The following CALN1 variants were observed in gnomAD, a reference collection of about 807,000 sequenced individuals.
CALN1 encodes calneuron 1, also known as calcium-binding protein 8.
Under a neutral mutation model 30.6 loss-of-function variants are expected in CALN1, and 17 were observed. The ratio of observed to expected loss-of-function variants is 0.56; its 90% confidence interval spans 0.38 to 0.83. The LOEUF is 0.83. Among genes scored for constraint, CALN1 ranks in the 40% least tolerant of loss-of-function variants. The pLI, the probability that CALN1 is intolerant of heterozygous loss-of-function variation, is 0.00. For synonymous variants in CALN1, 156 were observed against 131.4 expected, an observed-to-expected ratio of 1.19 and a Z score of -1.28; for missense variants, 291 against 354.9, an observed-to-expected ratio of 0.82 and a Z score of 1.45.
At chr7:72,454,595 C>A in the CALN1 span, among the ~76,000 whole-genome samples, 1 of 152,076 alleles carries the variant, frequency 6.6e-6, no homozygotes, top group Admixed American at 6.6e-5. Context: ...AAGGCAAAAG[C>A]CCAGAGAACA....
At chr7:72,480,835 A>G in the CALN1 span, among the ~76,000 whole-genome samples, 2 of 152,112 alleles carry the variant, frequency 1.3e-5, no homozygotes, top group Non-Finnish European at 2.9e-5. Flanking sequence ...ATTGTTCATC[A>G]TATTTTTTAT....
upstream of CALN1, among the ~76,000 whole-genome samples, chr7:72,413,260 ACATT>A (rs1293680149): frequency 6.6e-6 from 1 of 151,510 alleles, no homozygotes; most frequent in Non-Finnish European, 1.5e-5. Flanking sequence ...ACACACATAT[ACATT>A]CACACACACA....
intron 4 of CALN1, among the ~76,000 whole-genome samples, chr7:72,065,860 T>C (rs1584869753): frequency 6.6e-6 from 1 of 151,768 alleles, no homozygotes; most frequent in East Asian, 1.9e-4. Context: ...ACCATTGCAC[T>C]CCAGCCTGGG....
intron 4 of CALN1, among the ~76,000 whole-genome samples, chr7:72,035,032 T>A (rs1042510376): frequency 8.5e-5 from 13 of 152,160 alleles, no homozygotes; most frequent in African/African-American, 3.1e-4. Context: ...TAGCAATTTA[T>A]TCATTGGCAC....
chr7:72,275,435 A>C (rs1362152980), intron 3 of CALN1, among the ~76,000 whole-genome samples: 1 of 152,186 alleles, frequency 6.6e-6, no homozygotes, highest in East Asian at 1.9e-4. Context: ...GCCTGCTCTA[A>C]AATCAGAACA....
chr7:72,097,950 G>C (rs977124187), intron 4 of CALN1, among the ~76,000 whole-genome samples: 7 of 152,136 alleles, frequency 4.6e-5, no homozygotes, highest in African/African-American at 1.7e-4. Flanking sequence ...CTGACCTCAA[G>C]TGATCCACCC....
chr7:72,155,780 A>G (rs1787624798), intron 3 of CALN1, among the ~76,000 whole-genome samples: 1 of 152,210 alleles, frequency 6.6e-6, no homozygotes, highest in South Asian at 2.1e-4. Context: ...TCAGAGGTCC[A>G]AAGTGAGTCT....
intron 3 of CALN1, among the ~76,000 whole-genome samples, chr7:72,207,242 C>T (rs1791958239): frequency 1.3e-5 from 2 of 152,228 alleles, no homozygotes; most frequent in Middle Eastern, 3.4e-3. Context: ...GTCTCTTTGT[C>T]GGCGGGAGGG....
At chr7:72,034,506 G>C (rs1053443637) in intron 4 of CALN1, among the ~76,000 whole-genome samples, 17 of 151,266 alleles carry the variant, frequency 1.1e-4, no homozygotes, top group African/African-American at 3.6e-4. Context: ...AAGTCTCCAG[G>C]ATGTGCCCGG....
intron 4 of CALN1, among the ~76,000 whole-genome samples, chr7:72,074,042 G>C (rs1804572559): frequency 1.3e-5 from 2 of 152,070 alleles, no homozygotes; most frequent in African/African-American, 4.8e-5. Context: ...TAGGTGCAAG[G>C]AGTCGGATAA....
chr7:72,219,381 A>C (rs1793094536), intron 3 of CALN1, among the ~76,000 whole-genome samples: 1 of 152,112 alleles, frequency 6.6e-6, no homozygotes, highest in South Asian at 2.1e-4. Context: ...GCATTCCACC[A>C]CAACTGGCTA....
At chr7:71,823,434 C>T (rs1232808490) in intron 5 of CALN1, among the ~76,000 whole-genome samples, 1 of 152,158 alleles carries the variant, frequency 6.6e-6, no homozygotes, top group East Asian at 1.9e-4. Context: ...GAAACAGAGG[C>T]TTGGGCCGGG....
intron 4 of CALN1, among the ~76,000 whole-genome samples, chr7:72,079,953 T>A (rs1433729208): frequency 1.3e-5 from 2 of 151,962 alleles, no homozygotes; most frequent in Non-Finnish European, 2.9e-5. Context: ...GTATTTTTAG[T>A]AGAGATGGGG....
chr7:72,097,259 A>G (rs1291252317), intron 4 of CALN1, among the ~76,000 whole-genome samples: 1 of 152,222 alleles, frequency 6.6e-6, no homozygotes, highest in Non-Finnish European at 1.5e-5. Flanking sequence ...GTACACATAC[A>G]TAACAAACCT....
chr7:71,949,383 G>C lies in CALN1; in HGVS notation c.501+74274C>G, dbSNP rs565240056. 4.6e-5 allele frequency among the ~76,000 whole-genome samples: 7 copies of C among 152,004 alleles called. No homozygotes were observed. The East Asian group carries it at 1.2e-3, about 25-fold the overall frequency. On this transcript the variant is annotated intron_variant, in intron 5 of 6. Coordinates refer to ENST00000395275, the MANE Select transcript of CALN1 (RefSeq NM_031468.4). The stretch of plus-strand genomic sequence containing the variant: ...AGTAACCAATGGAAACCTCGAGAGG[G>C]TTTTTTGTTTGTTTGTTTGAGATGG...
At chr7:72,416,994 C>CTTCA (rs1376198044), upstream of CALN1, among the ~76,000 whole-genome samples, 1 of 152,166 alleles carries the variant, frequency 6.6e-6, no homozygotes, top group Admixed American at 6.5e-5. Flanking sequence ...CCAAGGCATG[C>CTTCA]TTCAGGTCTC....
intron 2 of CALN1, among the ~76,000 whole-genome samples, chr7:72,395,351 A>ACG (rs67070205): frequency 6.5e-4 from 53 of 80,922 alleles, no homozygotes; most frequent in Middle Eastern, 5.6e-3. Context: ...CACGCTGCGC[A>ACG]CGCGCGCGCA....
chr7:72,162,142 T>C (rs1457573157), intron 3 of CALN1, among the ~76,000 whole-genome samples: 1 of 151,950 alleles, frequency 6.6e-6, no homozygotes, highest in South Asian at 2.1e-4. Context: ...ATTACATCTT[T>C]GCTACTAGAG....
intron 2 of CALN1, among the ~76,000 whole-genome samples, chr7:72,356,901 G>A (rs1447050247): frequency 3.9e-5 from 6 of 151,978 alleles, no homozygotes; most frequent in Non-Finnish European, 5.9e-5. Flanking sequence ...CAATATATTA[G>A]TGCTTGTCAA....
Sources: gnomAD v4.1 joint callset for allele counts (sites outside exome capture counted in the v4.1 genomes callset) on GRCh38, gnomAD v4.1.1 for gene constraint, MANE v1.5 for transcripts, NCBI Gene and HGNC (gene_info 2026-07-23, HGNC 2026-07-21) for gene names.